AP2B1: variants seen among roughly 807,000 people sequenced by gnomAD.
AP2B1 encodes the protein adaptor related protein complex 2 subunit beta 1, also known as AP-2 complex subunit beta.
In AP2B1, 23 loss-of-function variants were observed where a neutral mutation model predicts 102.0. The observed-to-expected ratio is 0.23, with a 90% CI of 0.16 to 0.32. The LOEUF is 0.32. AP2B1 is among the 10% of genes least tolerant of loss of function. AP2B1 has a pLI of 1.00. For synonymous variants in AP2B1, 381 were observed against 421.2 expected, an observed-to-expected ratio of 0.90 and a Z score of 1.17; for missense variants, 541 against 1,157.4, an observed-to-expected ratio of 0.47 and a Z score of 7.73.
chr17:35,602,662 A>G (rs190863026), intron 3 of AP2B1, among the ~76,000 whole-genome samples: 2 of 152,344 alleles, frequency 1.3e-5, no homozygotes, highest in Admixed American at 6.5e-5. Context: ...TTTTCATGCT[A>G]AGTCTTCAAA....
At chr17:35,684,552 C>G (rs1278830413) in intron 18 of AP2B1, among the ~76,000 whole-genome samples, 1 of 152,022 alleles carries the variant, frequency 6.6e-6, no homozygotes, top group Non-Finnish European at 1.5e-5. Flanking sequence ...TTTTTTTCAG[C>G]AAAGGGAATA....
intron 9 of AP2B1, among the ~76,000 whole-genome samples, chr17:35,629,247 C>T (rs546712684): frequency 9.2e-5 from 14 of 152,270 alleles, no homozygotes; most frequent in African/African-American, 3.4e-4. Context: ...CACACCTGGC[C>T]CTGGAGTTTC....
At chr17:35,665,794 A>G (rs1821320864) in intron 14 of AP2B1, among the ~76,000 whole-genome samples, 1 of 152,216 alleles carries the variant, frequency 6.6e-6, no homozygotes, top group Non-Finnish European at 1.5e-5. Context: ...CCTGCAGTTA[A>G]GAGAATGTCT....
At chr17:35,676,324 A>C (rs369885381) in intron 17 of AP2B1, among the ~76,000 whole-genome samples, 1 of 152,020 alleles carries the variant, frequency 6.6e-6, no homozygotes, top group Non-Finnish European at 1.5e-5. Context: ...TTTGTAAGTC[A>C]GTCTTTTTGT....
intron 16 of AP2B1, 78 bp downstream of exon 16, chr17:35,671,978 T>C: frequency 6.7e-7 from 1 of 1,501,642 alleles, no homozygotes; most frequent in Non-Finnish European, 9.1e-7. Context: ...TTTGTGTTAC[T>C]TCTACTGGTA....
intron 9 of AP2B1, among the ~76,000 whole-genome samples, chr17:35,632,255 C>T (rs1283346204): frequency 6.6e-6 from 1 of 152,070 alleles, no homozygotes; most frequent in East Asian, 1.9e-4. Context: ...CTGCCTCAGC[C>T]TCCAGAGTAG....
At chr17:35,653,487 T>C (rs1335762088) in intron 13 of AP2B1, among the ~76,000 whole-genome samples, 1 of 152,188 alleles carries the variant, frequency 6.6e-6, no homozygotes, top group Non-Finnish European at 1.5e-5. Context: ...TTTTGTTTTG[T>C]TTTTGAGACG....
intron 9 of AP2B1, among the ~76,000 whole-genome samples, 200 bp from the exon 10 acceptor site, chr17:35,636,141 A>C (rs764139884): frequency 2.0e-5 from 3 of 152,124 alleles, no homozygotes; most frequent in Non-Finnish European, 2.9e-5. Context: ...ATTTGAACTG[A>C]TTCACCTATC....
At chr17:35,719,248 C>T (rs1481581157) in intron 21 of AP2B1, among the ~76,000 whole-genome samples, 1 of 151,918 alleles carries the variant, frequency 6.6e-6, no homozygotes. Context: ...CCAGTTTTTA[C>T]ATTACTTTTG....
rs2075263595 is a variant in AP2B1 at position 35,657,635 on chromosome 17, T to G, written c.1833T>G (p.Thr611=). The change falls in exon 14 of 22, where the codon ACT becomes ACG. Residue 611 remains threonine, a synonymous_variant. Coordinates refer to ENST00000610402, the MANE Select transcript of AP2B1 (RefSeq NM_001030006.2). The part of the protein sequence containing the change: ...DAGDSPVGTT[T]ATNLEQPQVI... ...GTGACAGCCCTGTTGGCACTACCAC[T>G]GCAACGAACCTGGAACAGCCTCAGG... The G allele has an allele frequency of 6.2e-7, 1 of 1,613,966 alleles. No individual in the cohort carries two copies. Among genetic ancestry groups the G allele is most frequent in the Non-Finnish European group, 8.5e-7 (1 of 1,179,936 alleles).
At chr17:35,682,656 CTTGA>C in intron 17 of AP2B1, 35 bp from the exon 18 acceptor site, 2 of 1,585,656 alleles carry the variant, frequency 1.3e-6, no homozygotes, top group Non-Finnish European at 1.7e-6. Context: ...AATTCTGCCT[CTTGA>C]TTAACCTCTG....
At position 35,682,681 on chromosome 17, in the gene AP2B1, A is replaced by G. The variant is rs2075850049; in HGVS notation, c.2325-14A>G. On this transcript the variant is annotated splice_polypyrimidine_tract_variant and intron_variant, in intron 17 of 21. Transcript: ENST00000610402. ...CTTGATTAACCTCTGTGATTTATGT[A>G]TCCTCTCTTCTAGCTTTGGTGTCAT... 6.2e-7 allele frequency: 1 copy of G among 1,601,824 alleles called. No individual in the cohort carries two copies. The highest frequency in any genetic ancestry group is 8.5e-7 in the Non-Finnish European group (1 of 1,172,296).
chr17:35,610,684 G>T (rs2073831823), intron 5 of AP2B1, among the ~76,000 whole-genome samples: 1 of 151,406 alleles, frequency 6.6e-6, no homozygotes, highest in South Asian at 2.1e-4. Context: ...GAGGTGGGTG[G>T]ATCACGAAGT....
At chr17:35,654,715 C>G (rs1332040840) in intron 13 of AP2B1, among the ~76,000 whole-genome samples, 1 of 151,996 alleles carries the variant, frequency 6.6e-6, no homozygotes, top group African/African-American at 2.4e-5. Flanking sequence ...TCTCTAGTCT[C>G]GTTTAGAGTT....
At chr17:35,685,773 C>T (rs3859284) in intron 18 of AP2B1, among the ~76,000 whole-genome samples, 131,666 of 151,394 alleles carry the variant, frequency 0.87, 57,663 homozygotes, top group African/African-American at 0.97. Flanking sequence ...TTCTTTTTTT[C>T]TTCTTTGAGA....
At chr17:35,621,397 ACAGT>A in intron 5 of AP2B1, 1 of 933,136 alleles carries the variant, frequency 1.1e-6, no homozygotes, top group Non-Finnish European at 1.3e-6. Context: ...TAAAAATGTA[ACAGT>A]CTGACTGTGG....
At chr17:35,706,137 C>T (rs1015189308) in intron 18 of AP2B1, among the ~76,000 whole-genome samples, 2 of 152,188 alleles carry the variant, frequency 1.3e-5, no homozygotes, top group East Asian at 3.9e-4. Context: ...TGTCCCAAAA[C>T]TCCTGAAATT....
At chr17:35,713,712 C>T (rs782262383) in intron 20 of AP2B1, 1 of 152,222 alleles carries the variant, frequency 6.6e-6, no homozygotes, top group Non-Finnish European at 1.5e-5. Context: ...CTGAGCTTTA[C>T]TTTGCTCTTT....
chr17:35,711,469 C>T (rs1312403952), intron 20 of AP2B1, among the ~76,000 whole-genome samples: 3 of 147,852 alleles, frequency 2.0e-5, no homozygotes, highest in African/African-American at 4.9e-5. Context: ...CAGCTTCCCC[C>T]ACCCCACTCC....
Sources: gnomAD v4.1 joint callset for allele counts (sites outside exome capture counted in the v4.1 genomes callset) on GRCh38, gnomAD v4.1.1 for gene constraint, MANE v1.5 for transcripts, NCBI Gene and HGNC (gene_info 2026-07-23, HGNC 2026-07-21) for gene names.